FAR2: variants seen among roughly 807,000 people sequenced by gnomAD.
FAR2 encodes fatty acyl-CoA reductase 2.
Under a neutral mutation model 56.0 loss-of-function variants are expected in FAR2, and 19 were observed. That is an observed-to-expected ratio of 0.34 (90% confidence interval 0.24 to 0.50). The LOEUF is 0.50. Ranked by LOEUF, FAR2 falls within the 20% of genes least tolerant of loss-of-function variation. FAR2 has a pLI of 0.98. For synonymous variants in FAR2, 219 were observed against 218.8 expected (o/e 1.00, Z -0.01); for missense variants, 508 against 642.2 (o/e 0.79, Z 2.26).
At chr12:29,173,725 C>T (rs749027885) in intron 1 of FAR2, among the ~76,000 whole-genome samples, 33 of 151,984 alleles carry the variant, frequency 2.2e-4, no homozygotes, top group African/African-American at 3.4e-4. Flanking sequence ...AAGACAAAAC[C>T]GTCCGCAGTT....
At chr12:29,225,493 C>T (rs1489935326) in intron 1 of FAR2, among the ~76,000 whole-genome samples, 8 of 152,058 alleles carry the variant, frequency 5.3e-5, no homozygotes, top group Non-Finnish European at 1.2e-4. Context: ...CTTACAGTTA[C>T]AAGACAGTAC....
intron 1 of FAR2, among the ~76,000 whole-genome samples, chr12:29,184,511 T>A (rs2136600806): frequency 7.3e-6 from 1 of 136,302 alleles, no homozygotes; most frequent in Middle Eastern, 4.0e-3. Flanking sequence ...CTCAGCTCAC[T>A]GCAACCTCCG....
At chr12:29,278,905 TA>T (rs1475665028) in intron 2 of FAR2, among the ~76,000 whole-genome samples, 1 of 152,242 alleles carries the variant, frequency 6.6e-6, no homozygotes, top group Non-Finnish European at 1.5e-5. Context: ...GTTGGGTTTT[TA>T]TTTTTATTTT....
intron 1 of FAR2, among the ~76,000 whole-genome samples, chr12:29,218,646 T>G (rs75681366): frequency 6.6e-6 from 1 of 152,076 alleles, no homozygotes; most frequent in Non-Finnish European, 1.5e-5. Context: ...TTAACTCACA[T>G]GGTAAAAAAT....
chr12:29,217,895 T>C (rs1947641220), intron 1 of FAR2, among the ~76,000 whole-genome samples: 1 of 151,858 alleles, frequency 6.6e-6, no homozygotes, highest in Admixed American at 6.6e-5. Flanking sequence ...ATTGCAAACG[T>C]GTTAAAGAAA....
chr12:29,175,117 G>C (rs1450250459), intron 1 of FAR2, among the ~76,000 whole-genome samples: 2 of 152,148 alleles, frequency 1.3e-5, no homozygotes, highest in East Asian at 3.9e-4. Flanking sequence ...CCAGTATTTA[G>C]CCCCCAAATT....
intron 1 of FAR2, among the ~76,000 whole-genome samples, chr12:29,230,790 G>GA (rs1420830074): frequency 6.6e-6 from 1 of 152,162 alleles, no homozygotes; most frequent in Non-Finnish European, 1.5e-5. Flanking sequence ...AGAACTCATA[G>GA]AATAGAGCCT....
chr12:29,309,567 G>A (rs1949311510), intron 6 of FAR2, among the ~76,000 whole-genome samples: 1 of 152,084 alleles, frequency 6.6e-6, no homozygotes, highest in African/African-American at 2.4e-5. Flanking sequence ...TTAGTGCAGT[G>A]AATTGAGGAT....
Position 29,227,498 on chromosome 12 carries a change from G to A in FAR2, c.-38-42914G>A, listed in dbSNP as rs367884983. On this transcript the variant is annotated intron_variant, in intron 1 of 11. Coordinates refer to ENST00000536681, the MANE Select transcript of FAR2 (RefSeq NM_001271783.2). The stretch of plus-strand genomic sequence containing the variant: ...TGATTTCAGTTATGAGGAAGAAGTA[G>A]GTCCTTTTTCTTTCATAATTGCTTC... 3.3e-5 allele frequency among the ~76,000 whole-genome samples: 5 copies of A among 152,204 alleles called. No individual in the cohort carries two copies. The East Asian group carries it at 5.8e-4, about 18-fold the overall frequency.
chr12:29,226,698 C>T (rs1292018890), intron 1 of FAR2, among the ~76,000 whole-genome samples: 1 of 151,990 alleles, frequency 6.6e-6, no homozygotes, highest in Non-Finnish European at 1.5e-5. Context: ...TTCATTCCAC[C>T]TTGGAATCAC....
At chr12:29,330,606 T>C (rs1337504830) in intron 10 of FAR2, among the ~76,000 whole-genome samples, 3 of 152,202 alleles carry the variant, frequency 2.0e-5, no homozygotes, top group Admixed American at 2.0e-4. Context: ...CTTAGAGAAC[T>C]ACTAAATCTT....
chr12:29,273,276 C>T (rs1466500502), intron 2 of FAR2, among the ~76,000 whole-genome samples: 1 of 152,208 alleles, frequency 6.6e-6, no homozygotes, highest in Non-Finnish European at 1.5e-5. Context: ...ACTGCAGCCA[C>T]CTCTCCCCTT....
chr12:29,170,826 G>A (rs185529704), intron 1 of FAR2, among the ~76,000 whole-genome samples: 196 of 151,832 alleles, frequency 1.3e-3, no homozygotes, highest in African/African-American at 3.9e-3. Flanking sequence ...TCTGCTAGCC[G>A]CTTATGCTGC....
intron 1 of FAR2, among the ~76,000 whole-genome samples, chr12:29,212,953 T>C (rs989612283): frequency 1.1e-4 from 16 of 152,204 alleles, no homozygotes; most frequent in Non-Finnish European, 2.9e-5. Context: ...ATTATTATCA[T>C]TTTTCCTTTG....
chr12:29,226,117 A>G (rs1947765232), intron 1 of FAR2, among the ~76,000 whole-genome samples: 1 of 152,240 alleles, frequency 6.6e-6, no homozygotes, highest in Non-Finnish European at 1.5e-5. Context: ...AAATAATTGC[A>G]TGATGTGTGG....
chr12:29,164,790 T>G (rs1949811254), intron 1 of FAR2, among the ~76,000 whole-genome samples: 1 of 152,122 alleles, frequency 6.6e-6, no homozygotes, highest in Non-Finnish European at 1.5e-5. Flanking sequence ...TGAACCAAGA[T>G]GCAGAGAGAT....
intron 1 of FAR2, among the ~76,000 whole-genome samples, chr12:29,217,984 A>AGAGGAGGAGGAG (rs143213052): frequency 2.3e-3 from 348 of 151,400 alleles, no homozygotes; most frequent in African/African-American, 6.6e-3. Context: ...AAGAAGACAA[A>AGAGGAGGAGGAG]GAGGAGGAGG....
chr12:29,248,170 A>G (rs2136673181), intron 1 of FAR2, among the ~76,000 whole-genome samples: 1 of 152,232 alleles, frequency 6.6e-6, no homozygotes, highest in East Asian at 1.9e-4. Flanking sequence ...TGCTTCTGAT[A>G]TTATCCATTT....
intron 1 of FAR2, among the ~76,000 whole-genome samples, chr12:29,250,323 T>C (rs965015483): frequency 3.9e-5 from 6 of 152,172 alleles, no homozygotes; most frequent in African/African-American, 1.2e-4. Flanking sequence ...CCAACCAATC[T>C]CTCCTGGTTA....
Sources: gnomAD v4.1 joint callset for allele counts (sites outside exome capture counted in the v4.1 genomes callset) on GRCh38, gnomAD v4.1.1 for gene constraint, MANE v1.5 for transcripts, NCBI Gene and HGNC (gene_info 2026-07-23, HGNC 2026-07-21) for gene names.